LAMC3: variants seen among roughly 807,000 people sequenced by gnomAD.
LAMC3 encodes the protein laminin subunit gamma 3.
Under a neutral mutation model 173.8 loss-of-function variants are expected in LAMC3, and 128 were observed. The ratio of observed to expected loss-of-function variants is 0.74; its 90% CI spans 0.64 to 0.85. LAMC3 has a LOEUF of 0.85. LAMC3 is among the 40% of genes least tolerant of loss of function. LAMC3 has a pLI of 0.00. For missense variants in LAMC3, 2,022 were observed against 2,156.0 expected (o/e 0.94, Z 1.23); for synonymous variants, 897 against 909.1 (o/e 0.99, Z 0.24).
chr9:131,071,432 C>A, intron 17 of LAMC3, 52 bp from the exon 18 acceptor site: 2 of 1,603,094 alleles, frequency 1.2e-6, no homozygotes, highest in Non-Finnish European at 1.7e-6. Context: ...AGTGTCTGGG[C>A]AGGACCTCCA....
At chr9:131,080,631 A>G (rs1428393197) in intron 23 of LAMC3, among the ~76,000 whole-genome samples, 1 of 152,072 alleles carries the variant, frequency 6.6e-6, no homozygotes, top group African/African-American at 2.4e-5. Flanking sequence ...GAGGCATGAG[A>G]ATGTATCTGA....
At chr9:131,057,419 C>CTT (rs1829707400) in intron 12 of LAMC3, among the ~76,000 whole-genome samples, 1 of 152,222 alleles carries the variant, frequency 6.6e-6, no homozygotes, top group East Asian at 1.9e-4. Context: ...CTCTGTGGGC[C>CTT]ATCTGTCCGC....
chr9:131,072,778 A>G lies in LAMC3; in HGVS notation c.3360A>G (p.Ala1120=), dbSNP rs751157498. The change falls in exon 19 of 28, where the codon GCA becomes GCG. Residue 1120 remains alanine, a synonymous_variant. Coordinates refer to ENST00000361069, the MANE Select transcript of LAMC3 (RefSeq NM_006059.4). ...GCACCCAGCTGGCAGACCTGGAGGCAGTGCTGGAGTCCTCGGAAGAGGAGA... is the reference window on the plus strand; with the variant it reads ...GCACCCAGCTGGCAGACCTGGAGGCGGTGCTGGAGTCCTCGGAAGAGGAGA... The part of the protein sequence containing the change: ...KTCTQLADLE[A]VLESSEEEIL... 6 of 1,613,470 alleles carry G rather than the reference A, an allele frequency of 3.7e-6. No individual in the cohort carries two copies. The highest frequency in any genetic ancestry group is 1.7e-6 in the Non-Finnish European group (2 of 1,179,830).
At chr9:131,027,266 G>T (rs1299853707) in intron 2 of LAMC3, among the ~76,000 whole-genome samples, 2 of 152,230 alleles carry the variant, frequency 1.3e-5, no homozygotes, top group African/African-American at 2.4e-5. Context: ...CACAAATGAG[G>T]CGTGGAAGGG....
chr9:131,044,680 C>T (rs1012641579), intron 7 of LAMC3, among the ~76,000 whole-genome samples: 2 of 152,162 alleles, frequency 1.3e-5, no homozygotes, highest in Admixed American at 6.5e-5. Context: ...TGTGATATGA[C>T]GAGAAGGGTA....
At position 131,022,215 on chromosome 9, in the gene LAMC3, A is replaced by AACACACACACACAC. The variant is rs56948132; in HGVS notation, c.374-4054_374-4041dup. On this transcript the variant is annotated intron_variant, in intron 1 of 27. Coordinates refer to ENST00000361069, the MANE Select transcript of LAMC3 (RefSeq NM_006059.4). ...TCATAAGCCAGGAGCTGTGGATGAA[A>AACACACACACACAC]ACACACACACACACACACACACACA... 8.1e-3 allele frequency among the ~76,000 whole-genome samples: 1,171 copies of AACACACACACACAC among 144,714 alleles called. 16 individuals carry two copies. Among genetic ancestry groups the AACACACACACACAC allele is most frequent in the African/African-American group, 0.023 (897 of 38,676 alleles). The allele number at this position is 144,714 out of a possible 152,430, so 94.9% of individuals were successfully genotyped here. A position where few individuals can be genotyped will look rare whatever the true frequency, so the allele number is the denominator to read the frequency against.
rs1417237624 is a variant in LAMC3 at position 131,029,480 on chromosome 9, G to A, written c.679-2565G>A. Among the ~76,000 whole-genome samples the A allele has an allele frequency of 6.6e-6, 1 of 152,202 alleles. No individual in the cohort carries two copies. Among genetic ancestry groups the A allele is most frequent in the East Asian group, 1.9e-4 (1 of 5,188 alleles). On this transcript the variant is annotated intron_variant, in intron 2 of 27. Transcript: ENST00000361069. This position sits in a 1 kb window ranked among gnomAD's most constrained non-coding sequence, Gnocchi z 4.6. ...GGTTTTCTGTCTTGTTGCCTCTTGT[G>A]TTCTGGACACTGTCCCTGATGGAGA... is the stretch of plus-strand genomic sequence containing the variant.
chr9:131,084,410 T>C (rs1830294475), intron 24 of LAMC3, among the ~76,000 whole-genome samples: 1 of 151,798 alleles, frequency 6.6e-6, no homozygotes, highest in Non-Finnish European at 1.5e-5. Flanking sequence ...GAGGTCTCAC[T>C]ATGTTTCCTA....
chr9:131,015,581 C>T (rs1167918245), intron 1 of LAMC3, among the ~76,000 whole-genome samples: 2 of 152,184 alleles, frequency 1.3e-5, no homozygotes, highest in African/African-American at 2.4e-5. Flanking sequence ...TGACACCAAC[C>T]ACTCTGAATG....
intron 13 of LAMC3, among the ~76,000 whole-genome samples, chr9:131,065,595 A>G (rs1313464520): frequency 2.0e-5 from 3 of 152,230 alleles, no homozygotes; most frequent in African/African-American, 7.2e-5. Flanking sequence ...AATGATCAAA[A>G]TGATGACAAT....
At chr9:131,038,731 C>G in intron 4 of LAMC3, 133 bp from the exon 5 acceptor site, 2 of 950,686 alleles carry the variant, frequency 2.1e-6, no homozygotes, top group Non-Finnish European at 3.4e-6. Context: ...GGCCTGAACT[C>G]CATTCTGGAC....
At chr9:131,044,000 T>G (rs563468343) in intron 7 of LAMC3, among the ~76,000 whole-genome samples, 62 of 149,292 alleles carry the variant, frequency 4.2e-4, no homozygotes, top group African/African-American at 1.5e-3. Context: ...GCTCTTTTGC[T>G]CAGGCTGGAG....
chr9:131,010,625 C>T (rs528622699), intron 1 of LAMC3, among the ~76,000 whole-genome samples: 24 of 152,358 alleles, frequency 1.6e-4, no homozygotes, highest in African/African-American at 5.3e-4. Context: ...CTGCAGTCCT[C>T]GGGTGGGTTC....
intron 2 of LAMC3, among the ~76,000 whole-genome samples, chr9:131,027,087 A>G (rs1833733503): frequency 6.6e-6 from 1 of 152,226 alleles, no homozygotes; most frequent in Non-Finnish European, 1.5e-5. Context: ...GCCGCTAATG[A>G]ACCAGAAGGA....
Position 131,079,176 on chromosome 9 carries a change from G to A in LAMC3, c.3805G>A (p.Gly1269Ser), listed in dbSNP as rs201011683. The A allele has an allele frequency of 2.9e-4, 471 of 1,613,712 alleles. 1 individual carries two copies. Among genetic ancestry groups the A allele is most frequent in the Non-Finnish European group, 3.8e-4 (448 of 1,179,892 alleles). ...LPQKSRAEDLGLKAKALEKTV... is the reference protein window; with the variant it reads ...LPQKSRAEDLSLKAKALEKTV... ...TCAGAAGTCCCGGGCTGAAGACCTG[G>A]GCCTGAAGGCGAAGGCCCTGGAGAA... Residue 1269 changes from glycine to serine, a missense_variant, in exon 23 of 28, where the codon GGC becomes AGC. By Grantham distance (56) the Gly-to-Ser change is moderately conservative. Transcript: ENST00000361069.
chr9:131,062,394 T>C (rs1829847777), intron 13 of LAMC3, among the ~76,000 whole-genome samples: 3 of 152,140 alleles, frequency 2.0e-5, no homozygotes, highest in Non-Finnish European at 4.4e-5. Context: ...TCAATGACTT[T>C]TGACATGTTA....
intron 21 of LAMC3, among the ~76,000 whole-genome samples, chr9:131,076,271 T>C (rs893204799): frequency 6.6e-6 from 1 of 152,102 alleles, no homozygotes; most frequent in Non-Finnish European, 1.5e-5. Context: ...CTGACCCCCC[T>C]GGCCCCGGCG....
chr9:131,075,810 C>G (rs746701707), intron 20 of LAMC3, 21 bp from the exon 21 acceptor site: 35 of 1,604,778 alleles, frequency 2.2e-5, no homozygotes, highest in African/African-American at 5.3e-5. Context: ...TGGTAATGCT[C>G]AGGTGGGTGT....
At chr9:131,048,148 T>C (rs927776936) in intron 8 of LAMC3, among the ~76,000 whole-genome samples, 2 of 141,674 alleles carry the variant, frequency 1.4e-5, no homozygotes, top group African/African-American at 5.3e-5. Context: ...CCTCCGCCTC[T>C]CGGGTTCAGG....
Sources: gnomAD v4.1 joint callset for allele counts (sites outside exome capture counted in the v4.1 genomes callset) on GRCh38, gnomAD v4.1.1 for gene constraint, Gnocchi (gnomAD v3.1) non-coding constraint, MANE v1.5 for transcripts, NCBI Gene and HGNC (gene_info 2026-07-23, HGNC 2026-07-21) for gene names.